Variants in CFAP100 observed in about 807,000 individuals in gnomAD.
The protein encoded by CFAP100 is cilia- and flagella-associated protein 100.
Under a neutral mutation model 81.5 loss-of-function variants are expected in CFAP100, and 70 were observed. The ratio of observed to expected loss-of-function variants is 0.86; its 90% confidence interval spans 0.71 to 1.05. The LOEUF (loss-of-function observed/expected upper bound fraction) is 1.05, where lower values mean the gene tolerates loss of function less well. Among genes scored for constraint, CFAP100 ranks in the 50% least tolerant of loss-of-function variants. The pLI is 0.00. For synonymous variants in CFAP100, 341 were observed against 314.8 expected (o/e 1.08, Z -0.88); for missense variants, 811 against 776.5 (o/e 1.04, Z -0.53).
chr3:126,419,766 G>C lies in CFAP100; in HGVS notation c.861G>C (p.Glu287Asp), dbSNP rs935896309. ...ACTCGTTTCTCAAAAAGGCCAAGGA[G>C]GTCTCCGAGGCTTCCAAAGAGAGCA... ...KKHSFLKKAK[E>D]VSEASKESSV... is the part of the protein sequence containing the mutation. Residue 287 changes from glutamate (E) to aspartate (D), a missense_variant, in exon 9 of 17, where the codon GAG becomes GAC. Transcript: ENST00000352312. 3.1e-6 allele frequency: 5 copies of C among 1,614,056 alleles called. No individual in the cohort carries two copies. The Admixed American group carries it at 5.0e-5, about 16-fold the overall frequency.
At chr3:126,423,952 C>G (rs1020320378) in intron 13 of CFAP100, among the ~76,000 whole-genome samples, 2 of 152,244 alleles carry the variant, frequency 1.3e-5, no homozygotes, top group African/African-American at 2.4e-5. Flanking sequence ...CTGGGAGGCC[C>G]TTGGAGTGGC....
rs760789618 is a variant in CFAP100, at chr3:126,433,163, G to C, written c.1381G>C (p.Ala461Pro). ...EDTAAELELK[A>P]RVFHFGEYKG... ...CACAGCAGCTGAGCTGGAGCTCAAA[G>C]CCCGAGTCTTCCACTTCGGCGAGTA... is the stretch of plus-strand genomic sequence containing the variant. The change falls in exon 14 of 17, where the codon GCC becomes CCC. Residue 461 changes from alanine to proline, a missense_variant. Ala to Pro is a conservative substitution (Grantham distance 27). Transcript: ENST00000352312. 2 of 1,614,096 alleles carry C rather than the reference G, an allele frequency of 1.2e-6. No homozygotes were observed. The highest frequency in any genetic ancestry group is 2.7e-5 in the African/African-American group (2 of 74,934).
At chr3:126,402,403 G>T (rs577297796) in intron 2 of CFAP100, among the ~76,000 whole-genome samples, 1 of 152,246 alleles carries the variant, frequency 6.6e-6, no homozygotes, top group East Asian at 1.9e-4. Context: ...GAAAGCCCGA[G>T]GGAAAGGGGG....
At chr3:126,418,030 A>C in intron 5 of CFAP100, 2 of 171,850 alleles carry the variant, frequency 1.2e-5, no homozygotes, top group Non-Finnish European at 2.5e-5. Flanking sequence ...GCCTCTGCCC[A>C]GTTTGCTCGG....
chr3:126,409,847 A>G (rs1465749538), intron 3 of CFAP100, among the ~76,000 whole-genome samples: 1 of 152,114 alleles, frequency 6.6e-6, no homozygotes, highest in African/African-American at 2.4e-5. Context: ...AGTATGACGG[A>G]TATCTTCTCC....
chr3:126,411,134 T>G (rs2083146388), intron 3 of CFAP100, among the ~76,000 whole-genome samples: 1 of 152,234 alleles, frequency 6.6e-6, no homozygotes, highest in South Asian at 2.1e-4. Flanking sequence ...TTCTGCATCT[T>G]TTGATATGAT....
intron 2 of CFAP100, among the ~76,000 whole-genome samples, chr3:126,405,773 A>T (rs762603114): frequency 6.6e-6 from 1 of 152,090 alleles, no homozygotes; most frequent in Non-Finnish European, 1.5e-5. Context: ...TGTGCTATGT[A>T]TGTGCATTGC....
chr3:126,404,714 G>A (rs751858375), intron 2 of CFAP100, among the ~76,000 whole-genome samples: 12 of 152,192 alleles, frequency 7.9e-5, no homozygotes, highest in African/African-American at 1.4e-4. Flanking sequence ...TCGCTCTGTC[G>A]CCCAGGCTGG....
At chr3:126,398,941 A>C (rs2082930360) in intron 2 of CFAP100, among the ~76,000 whole-genome samples, 1 of 152,078 alleles carries the variant, frequency 6.6e-6, no homozygotes, top group Non-Finnish European at 1.5e-5. Context: ...GGCTCCATCC[A>C]TTCCTGCAGC....
At chr3:126,400,557 T>G (rs763404458) in intron 2 of CFAP100, among the ~76,000 whole-genome samples, 2 of 151,982 alleles carry the variant, frequency 1.3e-5, no homozygotes, top group African/African-American at 2.4e-5. Context: ...ATTGAGACCA[T>G]CCTGGCTAAC....
In CFAP100 at chr3:126,414,490, C is replaced by T. The variant is rs2083203740; in HGVS notation, c.225+311C>T. The T allele has an allele frequency of 8.2e-6, 5 of 612,546 alleles. No individual in the cohort carries two copies. The Admixed American group carries it at 8.3e-5, about 10-fold the overall frequency. 37.9% of individuals were successfully genotyped at this position (612,546 alleles called of 1,614,324 possible). A position where few individuals can be genotyped will look rare whatever the true frequency, so the allele number is the denominator to read the frequency against. ...TTCCACTGCTGCCTGCGTGAAATGC[C>T]ATCCTCTCCTGACACTCTCCGGGTC... is the stretch of plus-strand genomic sequence containing the variant. On this transcript the variant is annotated intron_variant, in intron 4 of 16. Coordinates refer to ENST00000352312, the MANE Select transcript of CFAP100 (RefSeq NM_182628.3).
At chr3:126,410,029 C>T (rs1303873154) in intron 3 of CFAP100, among the ~76,000 whole-genome samples, 6 of 152,080 alleles carry the variant, frequency 3.9e-5, no homozygotes, top group Admixed American at 1.3e-4. Flanking sequence ...GATGAAACCT[C>T]GTCTCTACTA....
Position 126,434,394 on chromosome 3 carries a change from C to T in CFAP100, c.1628+13C>T, listed in dbSNP as rs753950496. 22 of 1,605,894 alleles carry T rather than the reference C, an allele frequency of 1.4e-5. No individual in the cohort carries two copies. Among genetic ancestry groups the T allele is most frequent in the Non-Finnish European group, 1.9e-5 (22 of 1,175,238 alleles). On this transcript the variant is annotated intron_variant, in intron 15 of 16. Transcript: ENST00000352312. The stretch of plus-strand genomic sequence containing the variant: ...AGCGGCGCATCAGGTGAGCTCTAGG[C>T]TCTCCCTGCCAGCTGCTGTGTCCTG...
chr3:126,407,155 C>T lies in CFAP100; in HGVS notation c.50-17C>T, dbSNP rs778077562. 1.1e-5 allele frequency: 18 copies of T among 1,605,800 alleles called. No individual in the cohort carries two copies. The highest frequency in any genetic ancestry group is 1.4e-5 in the Non-Finnish European group (16 of 1,173,224). ...AGGGGAGTCACTGCTGCGGCCCTCA[C>T]TTTTGTGTCTCCTCAGAGAACAGCC... On this transcript the variant is annotated splice_polypyrimidine_tract_variant and intron_variant, in intron 2 of 16. Transcript: ENST00000352312.
At chr3:126,430,495 A>G (rs1170633688) in intron 13 of CFAP100, among the ~76,000 whole-genome samples, 1 of 152,180 alleles carries the variant, frequency 6.6e-6, no homozygotes, top group Non-Finnish European at 1.5e-5. Context: ...TGTATCAATA[A>G]AAATAAAAAT....
chr3:126,418,820 C>G lies in CFAP100; in HGVS notation c.650+46C>G, dbSNP rs375842061. 11 of 1,528,130 alleles carry G rather than the reference C, an allele frequency of 7.2e-6. No homozygotes were observed. In the African/African-American group the frequency reaches 9.8e-5, roughly 14 times the overall value. 94.7% of individuals were successfully genotyped at this position (1,528,130 alleles called of 1,614,324 possible). On this transcript the variant is annotated intron_variant, in intron 7 of 16. Coordinates refer to ENST00000352312, the MANE Select transcript of CFAP100 (RefSeq NM_182628.3). ...GGCTGGCTGGGCAATGCCGAACCCC[C>G]ACTGTCCCTGAGCCTGTGCACACCC...
chr3:126,398,775 A>C (rs2082927988), intron 2 of CFAP100, among the ~76,000 whole-genome samples: 1 of 152,214 alleles, frequency 6.6e-6, no homozygotes, highest in Non-Finnish European at 1.5e-5. Context: ...AGCCCACATC[A>C]GGCCACTCAG....
chr3:126,419,977 C>A lies in CFAP100; in HGVS notation c.914-3C>A. On this transcript the variant is annotated splice_polypyrimidine_tract_variant and splice_region_variant and intron_variant, in intron 9 of 16. Coordinates refer to ENST00000352312, the MANE Select transcript of CFAP100 (RefSeq NM_182628.3). ...ATCGGGGCCCCCCCTTTGCTTCCTG[C>A]AGGACCAGGGATCAAGGGCAAGGCG... 1.9e-6 allele frequency: 3 copies of A among 1,613,064 alleles called. No individual in the cohort carries two copies. The highest frequency in any genetic ancestry group is 2.5e-6 in the Non-Finnish European group (3 of 1,179,950).
chr3:126,405,115 C>A (rs1015503708), intron 2 of CFAP100, among the ~76,000 whole-genome samples: 1 of 152,226 alleles, frequency 6.6e-6, no homozygotes, highest in Admixed American at 6.5e-5. Flanking sequence ...GAACTCTTCT[C>A]ATCCCCAAAC....
Sources: gnomAD v4.1 joint callset for allele counts (sites outside exome capture counted in the v4.1 genomes callset) on GRCh38, gnomAD v4.1.1 for gene constraint, MANE v1.5 for transcripts, NCBI Gene and HGNC (gene_info 2026-07-23, HGNC 2026-07-21) for gene names.